NRG1: variants seen among roughly 807,000 people sequenced by gnomAD.
NRG1 encodes the protein pro-neuregulin-1, membrane-bound isoform.
A neutral mutation model predicts 63.8 loss-of-function variants in NRG1; 18 were observed. The observed-to-expected ratio is 0.28, with a 90% CI of 0.19 to 0.42. The LOEUF (loss-of-function observed/expected upper bound fraction) is 0.42. NRG1 is among the 10% of genes least tolerant of loss of function. The pLI is 1.00. For missense variants in NRG1, 762 were observed against 814.7 expected, an observed-to-expected ratio of 0.94 and a Z score of 0.79; for synonymous variants, 302 against 301.3, an observed-to-expected ratio of 1.00 and a Z score of -0.02.
At chr8:31,778,759 C>G (rs1001680091) in intron 1 of NRG1, among the ~76,000 whole-genome samples, 4 of 152,182 alleles carry the variant, frequency 2.6e-5, no homozygotes, top group African/African-American at 7.2e-5. Flanking sequence ...TGCATTTTGC[C>G]TATGGAGAAA....
At chr8:31,868,122 AAC>A (rs57466959) in intron 1 of NRG1, among the ~76,000 whole-genome samples, 23,504 of 132,996 alleles carry the variant, frequency 0.18, 2,175 homozygotes, top group Non-Finnish European at 0.2. Flanking sequence ...TACCATCCCA[AAC>A]ACACACACAC....
At chr8:31,970,332 T>G (rs1474360321) in intron 1 of NRG1, among the ~76,000 whole-genome samples, 1 of 152,196 alleles carries the variant, frequency 6.6e-6, no homozygotes, top group Admixed American at 6.5e-5. Context: ...AGTCTTCATT[T>G]CCTTAAGTTC....
At chr8:31,651,800 A>C (rs1158923185) in intron 1 of NRG1, among the ~76,000 whole-genome samples, 3 of 151,632 alleles carry the variant, frequency 2.0e-5, no homozygotes, top group African/African-American at 7.3e-5. Flanking sequence ...TTTTTCCTTC[A>C]GTTTAACGTC....
chr8:32,592,481 G>T (rs186092901), intron 1 of NRG1, among the ~76,000 whole-genome samples: 13 of 152,114 alleles, frequency 8.5e-5, no homozygotes, highest in East Asian at 5.8e-4. Context: ...TGATTTTAAA[G>T]CCTACTTCAG....
chr8:32,017,644 AGAGTAG>A (rs1815759045), intron 1 of NRG1, among the ~76,000 whole-genome samples: 1 of 152,216 alleles, frequency 6.6e-6, no homozygotes, highest in Non-Finnish European at 1.5e-5. Context: ...TGAATTTGCT[AGAGTAG>A]CTAAGAGAAC....
intron 1 of NRG1, among the ~76,000 whole-genome samples, chr8:32,293,293 G>A (rs1240126337): frequency 6.6e-6 from 1 of 152,128 alleles, no homozygotes; most frequent in Non-Finnish European, 1.5e-5. Context: ...TTCTAAGAGA[G>A]ACAGGGGGTG....
chr8:32,348,717 T>C (rs563184314), intron 1 of NRG1, among the ~76,000 whole-genome samples: 13 of 152,358 alleles, frequency 8.5e-5, no homozygotes, highest in African/African-American at 3.1e-4. Flanking sequence ...ATAGGCTATG[T>C]GTTAATCTAG....
chr8:32,497,345 G>C (rs1055507791), intron 1 of NRG1, among the ~76,000 whole-genome samples: 3 of 151,618 alleles, frequency 2.0e-5, no homozygotes, highest in African/African-American at 7.3e-5. Flanking sequence ...TACTTGGGAG[G>C]CTGAGGCAGG....
intron 1 of NRG1, among the ~76,000 whole-genome samples, chr8:32,094,728 C>T (rs1829655742): frequency 6.6e-6 from 1 of 151,882 alleles, no homozygotes; most frequent in Admixed American, 6.6e-5. Context: ...GTTCTGTCAC[C>T]TCAGAACTAA....
intron 1 of NRG1, among the ~76,000 whole-genome samples, chr8:32,040,811 G>C (rs544225249): frequency 2.2e-4 from 25 of 112,884 alleles, no homozygotes; most frequent in African/African-American, 8.1e-4. Flanking sequence ...TAGGCTTAAA[G>C]TACCAAGATA....
At chr8:32,443,372 T>C (rs1819804868) in intron 1 of NRG1, among the ~76,000 whole-genome samples, 1 of 152,198 alleles carries the variant, frequency 6.6e-6, no homozygotes, top group Non-Finnish European at 1.5e-5. Flanking sequence ...AGTAATATGC[T>C]TCCTCTGGTG....
intron 1 of NRG1, among the ~76,000 whole-genome samples, chr8:32,194,304 C>T (rs181499235): frequency 2.6e-5 from 4 of 152,166 alleles, no homozygotes; most frequent in Admixed American, 1.3e-4. Context: ...TCATCTGAAC[C>T]GCGGATAAAA....
At chr8:31,684,092 C>T (rs1315113762) in intron 1 of NRG1, among the ~76,000 whole-genome samples, 1 of 152,102 alleles carries the variant, frequency 6.6e-6, no homozygotes, top group Non-Finnish European at 1.5e-5. Flanking sequence ...GGTCCCCAGA[C>T]CAGCAGCATC....
upstream of NRG1, among the ~76,000 whole-genome samples, chr8:32,547,590 AACACAC>A (rs33943729): frequency 3.5e-3 from 513 of 148,478 alleles, 3 homozygotes; most frequent in South Asian, 0.03. Flanking sequence ...GCACTTACTA[AACACAC>A]ACACACACAC....
intron 1 of NRG1, among the ~76,000 whole-genome samples, chr8:31,730,303 G>T (rs1813892522): frequency 6.6e-6 from 1 of 152,034 alleles, no homozygotes. Context: ...CTGCTATGTT[G>T]TTAGTGCGTG....
intron 1 of NRG1, among the ~76,000 whole-genome samples, chr8:31,847,959 G>A (rs1327314966): frequency 6.6e-6 from 1 of 152,112 alleles, no homozygotes; most frequent in Non-Finnish European, 1.5e-5. Context: ...TTGATAAACT[G>A]GTTAGAATCA....
chr8:32,217,941 G>T (rs946852614), intron 1 of NRG1, among the ~76,000 whole-genome samples: 2 of 152,158 alleles, frequency 1.3e-5, no homozygotes, highest in Admixed American at 6.6e-5. Context: ...TAATAGGAGG[G>T]CTTTTTACAG....
chr8:31,691,209 A>G (rs1210865755), intron 1 of NRG1, among the ~76,000 whole-genome samples: 2 of 152,148 alleles, frequency 1.3e-5, no homozygotes, highest in African/African-American at 2.4e-5. Context: ...GACAAAGGGG[A>G]ATTTTATCTG....
At chr8:32,590,511 G>C (rs2439290) in intron 1 of NRG1, among the ~76,000 whole-genome samples, 91,407 of 152,036 alleles carry the variant, frequency 0.6, 29,818 homozygotes, top group East Asian at 0.83. Context: ...TTTATGCTTA[G>C]ATAAGACTTT....
Sources: allele counts gnomAD v4.1 joint callset (sites outside exome capture counted in the v4.1 genomes callset), GRCh38; gene constraint gnomAD v4.1.1; transcripts MANE v1.5; gene names NCBI Gene and HGNC (gene_info 2026-07-23, HGNC 2026-07-21).